CTNNA3: variants seen among roughly 807,000 people sequenced by gnomAD.
The protein encoded by CTNNA3 is catenin alpha-3.
In CTNNA3, 76 loss-of-function variants were observed where a neutral mutation model predicts 95.7. The observed-to-expected ratio is 0.79, with a 90% confidence interval of 0.66 to 0.96. The LOEUF (loss-of-function observed/expected upper bound fraction) is 0.96. Among genes scored for constraint, CTNNA3 ranks in the 40% least tolerant of loss-of-function variants. The pLI, the probability that CTNNA3 is intolerant of heterozygous loss-of-function variation, is 0.00. For missense variants in CTNNA3, 1,191 were observed against 1,089.8 expected, an observed-to-expected ratio of 1.09 and a Z score of -1.31; for synonymous variants, 431 against 374.4, an observed-to-expected ratio of 1.15 and a Z score of -1.74.
intron 10 of CTNNA3, among the ~76,000 whole-genome samples, chr10:66,526,481 G>T (rs77509566): frequency 6.6e-6 from 1 of 152,002 alleles, no homozygotes. Flanking sequence ...GCCACTGTGC[G>T]AAGACTGACA....
At chr10:66,051,110 A>G (rs1352869542) in intron 15 of CTNNA3, among the ~76,000 whole-genome samples, 1 of 152,118 alleles carries the variant, frequency 6.6e-6, no homozygotes, top group Non-Finnish European at 1.5e-5. Context: ...CCTTGGCCTC[A>G]AGCATCCTCC....
At chr10:66,256,088 G>T (rs1281199642) in intron 13 of CTNNA3, among the ~76,000 whole-genome samples, 1 of 152,162 alleles carries the variant, frequency 6.6e-6, no homozygotes, top group African/African-American at 2.4e-5. Flanking sequence ...GACAGAGGCA[G>T]GGGCAGGTGA....
chr10:66,006,829 G>A (rs1441910535), intron 15 of CTNNA3, among the ~76,000 whole-genome samples: 1 of 152,132 alleles, frequency 6.6e-6, no homozygotes, highest in African/African-American at 2.4e-5. Context: ...TTCTGGTCAT[G>A]GCATAATATT....
chr10:66,404,407 C>T (rs1286555662), intron 11 of CTNNA3, among the ~76,000 whole-genome samples: 1 of 152,120 alleles, frequency 6.6e-6, no homozygotes, highest in Non-Finnish European at 1.5e-5. Flanking sequence ...GTTTGTGCAG[C>T]AGACAGAAAG....
At chr10:66,562,836 A>T (rs1842593805) in intron 10 of CTNNA3, among the ~76,000 whole-genome samples, 1 of 152,066 alleles carries the variant, frequency 6.6e-6, no homozygotes, top group Non-Finnish European at 1.5e-5. Flanking sequence ...TTCACTGGAA[A>T]TATCTTTATA....
chr10:66,665,013 T>A (rs1589093454), intron 9 of CTNNA3, among the ~76,000 whole-genome samples: 1 of 151,848 alleles, frequency 6.6e-6, no homozygotes, highest in African/African-American at 2.4e-5. Context: ...GGATAAAAAA[T>A]TATGTAAAAA....
chr10:66,207,254 TA>T (rs1334934549), intron 13 of CTNNA3, among the ~76,000 whole-genome samples: 1 of 151,864 alleles, frequency 6.6e-6, no homozygotes, highest in Non-Finnish European at 1.5e-5. Context: ...TTTTGATCCT[TA>T]AAAGTCATGC....
intron 13 of CTNNA3, among the ~76,000 whole-genome samples, chr10:66,248,225 C>A: frequency 1.3e-5 from 2 of 151,102 alleles, no homozygotes; most frequent in Non-Finnish European, 1.5e-5. Flanking sequence ...TCATAGTAAC[C>A]TCAAATCAAA....
intron 7 of CTNNA3, chr10:66,837,453 C>A (rs1463036429): frequency 1.3e-5 from 2 of 152,178 alleles, no homozygotes; most frequent in Non-Finnish European, 2.9e-5. Flanking sequence ...GTGACCCCTT[C>A]CTGAAGAGCT....
At chr10:66,011,574 T>C (rs1180772683) in intron 15 of CTNNA3, among the ~76,000 whole-genome samples, 1 of 152,188 alleles carries the variant, frequency 6.6e-6, no homozygotes, top group Non-Finnish European at 1.5e-5. Context: ...TGGCAGAGAT[T>C]ATTAGCCCCA....
intron 5 of CTNNA3, among the ~76,000 whole-genome samples, chr10:67,254,806 T>A (rs1053598482): frequency 1.3e-5 from 2 of 152,164 alleles, no homozygotes; most frequent in African/African-American, 4.8e-5. Context: ...TCATGTAACG[T>A]AGGTGGGTAG....
intron 7 of CTNNA3, among the ~76,000 whole-genome samples, chr10:66,918,758 G>T (rs1182002720): frequency 6.6e-6 from 1 of 152,122 alleles, no homozygotes; most frequent in Non-Finnish European, 1.5e-5. Flanking sequence ...AATGCTAGAT[G>T]GTTAAATTAA....
chr10:66,596,351 C>T (rs909205443), intron 10 of CTNNA3, among the ~76,000 whole-genome samples: 3 of 152,082 alleles, frequency 2.0e-5, no homozygotes, highest in African/African-American at 7.2e-5. Context: ...CTGTCTACTA[C>T]ATATGGTACC....
intron 17 of CTNNA3, among the ~76,000 whole-genome samples, chr10:65,959,512 T>A (rs2133234965): frequency 6.6e-6 from 1 of 152,248 alleles, no homozygotes; most frequent in Non-Finnish European, 1.5e-5. Context: ...TATTTGGCCA[T>A]CTTGGAACCT....
chr10:66,354,827 C>G (rs1410706742), intron 12 of CTNNA3, among the ~76,000 whole-genome samples: 1 of 151,924 alleles, frequency 6.6e-6, no homozygotes, highest in East Asian at 1.9e-4. Context: ...ATCTCACCAC[C>G]CAGCATAGTG....
At chr10:66,154,493 T>C (rs577447842) in intron 13 of CTNNA3, among the ~76,000 whole-genome samples, 50 of 151,558 alleles carry the variant, frequency 3.3e-4, no homozygotes, top group African/African-American at 1.2e-3. Flanking sequence ...CTTAAAAATA[T>C]CTTGATATTC....
intron 17 of CTNNA3, among the ~76,000 whole-genome samples, chr10:65,922,124 C>G (rs770551350): frequency 6.6e-6 from 1 of 152,102 alleles, no homozygotes; most frequent in Non-Finnish European, 1.5e-5. Context: ...TTCTACCTTG[C>G]GTTTTTTCTC....
chr10:66,763,573 C>T (rs1276955441), intron 9 of CTNNA3, among the ~76,000 whole-genome samples: 1 of 151,978 alleles, frequency 6.6e-6, no homozygotes, highest in Non-Finnish European at 1.5e-5. Flanking sequence ...CAAATGAAAC[C>T]CTGAGAAGAG....
intron 7 of CTNNA3, among the ~76,000 whole-genome samples, chr10:67,114,093 A>G (rs892616206): frequency 6.6e-6 from 1 of 152,050 alleles, no homozygotes; most frequent in Non-Finnish European, 1.5e-5. Context: ...AAAAAATTCA[A>G]AACAGATATT....
Sources: allele counts gnomAD v4.1 joint callset (sites outside exome capture counted in the v4.1 genomes callset), GRCh38; gene constraint gnomAD v4.1.1; transcripts MANE v1.5; gene names NCBI Gene and HGNC (gene_info 2026-07-23, HGNC 2026-07-21).